Variants in CSTPP1 observed in about 807,000 individuals in gnomAD.
The protein encoded by CSTPP1 is UPF0705 protein C11orf49.
At chr11:46,940,185 CTCAG>C in the CSTPP1 span, among the ~76,000 whole-genome samples, 1 of 152,212 alleles carries the variant, frequency 6.6e-6, no homozygotes, top group South Asian at 2.1e-4. Context: ...GAAGTAATTT[CTCAG>C]TCAGTAGGGA....
the CSTPP1 span, among the ~76,000 whole-genome samples, chr11:46,995,759 ATGGGG>A: frequency 1.3e-5 from 2 of 152,106 alleles, no homozygotes; most frequent in Admixed American, 1.3e-4. Flanking sequence ...TTCTGTTGAT[ATGGGG>A]TGGAGAGTTC....
the CSTPP1 span, among the ~76,000 whole-genome samples, chr11:47,023,636 A>G: frequency 6.6e-6 from 1 of 152,196 alleles, no homozygotes; most frequent in South Asian, 2.1e-4. Context: ...AGCTCCTGGC[A>G]ATCACCATGC....
the CSTPP1 span, among the ~76,000 whole-genome samples, chr11:47,064,961 C>G: frequency 2.0e-5 from 3 of 152,208 alleles, no homozygotes; most frequent in Non-Finnish European, 4.4e-5. Flanking sequence ...TCAGGCTAGT[C>G]TTGAACTCCT....
chr11:47,144,980 A>ATTTTTTTTTTTT, the CSTPP1 span, among the ~76,000 whole-genome samples: 1 of 92,874 alleles, frequency 1.1e-5, no homozygotes, highest in Non-Finnish European at 2.1e-5. Context: ...ATTGCCTGCC[A>ATTTTTTTTTTTT]TTTTTTTTTT....
the CSTPP1 span, among the ~76,000 whole-genome samples, chr11:46,972,855 T>C: frequency 6.6e-6 from 1 of 152,224 alleles, no homozygotes; most frequent in African/African-American, 2.4e-5. Context: ...ATGATAATTA[T>C]ATTAATTAGT....
the CSTPP1 span, among the ~76,000 whole-genome samples, chr11:46,997,964 G>A: frequency 2.6e-5 from 4 of 152,130 alleles, no homozygotes; most frequent in Non-Finnish European, 4.4e-5. Context: ...AGTGTCAGTC[G>A]GCCCCTACTG....
At chr11:47,035,925 G>A in the CSTPP1 span, among the ~76,000 whole-genome samples, 1 of 149,876 alleles carries the variant, frequency 6.7e-6, no homozygotes, top group Non-Finnish European at 1.5e-5. Context: ...AAGGTCAACT[G>A]TATATACATG....
At chr11:46,946,844 C>T in the CSTPP1 span, among the ~76,000 whole-genome samples, 2 of 152,170 alleles carry the variant, frequency 1.3e-5, no homozygotes, top group African/African-American at 2.4e-5. Flanking sequence ...GGCCTTTTCT[C>T]TCTAAAATCT....
chr11:47,082,568 A>G, the CSTPP1 span, among the ~76,000 whole-genome samples: 2 of 152,350 alleles, frequency 1.3e-5, no homozygotes, highest in South Asian at 4.1e-4. Context: ...TAATTTATAT[A>G]CCATACAATT....
chr11:47,016,792 C>T, the CSTPP1 span, among the ~76,000 whole-genome samples: 1 of 149,086 alleles, frequency 6.7e-6, no homozygotes, highest in African/African-American at 2.5e-5. Context: ...TGGGTATACA[C>T]ATATATAAAA....
At chr11:47,124,673 AATGGAAGGCCACCCATTG>A in the CSTPP1 span, among the ~76,000 whole-genome samples, 18 of 152,366 alleles carry the variant, frequency 1.2e-4, no homozygotes, top group African/African-American at 4.3e-4. Flanking sequence ...GTTGGTATCC[AATGGAAGGCCACCCATTG>A]ATGGAGAAAC....
chr11:47,109,072 G>T, the CSTPP1 span: 1 of 152,048 alleles, frequency 6.6e-6, no homozygotes, highest in Admixed American at 6.6e-5. Flanking sequence ...CCTAAACCTG[G>T]AATCTGTGAT....
At chr11:47,005,941 C>T in the CSTPP1 span, among the ~76,000 whole-genome samples, 1 of 152,054 alleles carries the variant, frequency 6.6e-6, no homozygotes, top group African/African-American at 2.4e-5. Flanking sequence ...TACGTCTTAG[C>T]GTTCTAGATA....
the CSTPP1 span, among the ~76,000 whole-genome samples, chr11:46,989,821 C>T: frequency 1.1e-4 from 17 of 152,282 alleles, no homozygotes; most frequent in East Asian, 3.1e-3. Context: ...TAGCAGTCCA[C>T]AGTGTCTGTT....
chr11:46,983,727 T>C, the CSTPP1 span, among the ~76,000 whole-genome samples: 2 of 152,152 alleles, frequency 1.3e-5, no homozygotes, highest in Non-Finnish European at 1.5e-5. Flanking sequence ...TTTGATAAAC[T>C]AAGGATTTTC....
chr11:47,134,617 G>A, the CSTPP1 span, among the ~76,000 whole-genome samples: 7 of 152,138 alleles, frequency 4.6e-5, no homozygotes, highest in Non-Finnish European at 7.3e-5. Flanking sequence ...GAGCCAAAGG[G>A]CCCAAAATAG....
At chr11:47,056,431 A>AT in the CSTPP1 span, among the ~76,000 whole-genome samples, 14 of 152,228 alleles carry the variant, frequency 9.2e-5, no homozygotes, top group Admixed American at 2.6e-4. Flanking sequence ...CGAGGGATTC[A>AT]TATAGCATTT....
chr11:46,979,926 A>T, the CSTPP1 span, among the ~76,000 whole-genome samples: 6 of 152,308 alleles, frequency 3.9e-5, no homozygotes, highest in African/African-American at 1.2e-4. Flanking sequence ...AATAAAAAAG[A>T]TTCTGTAGTT....
the CSTPP1 span, among the ~76,000 whole-genome samples, chr11:47,048,568 A>G: frequency 6.6e-6 from 1 of 152,172 alleles, no homozygotes; most frequent in African/African-American, 2.4e-5. Context: ...TCTTAGTGAA[A>G]TAGGCCAGAA....
Sources: gnomAD v4.1 joint callset for allele counts (sites outside exome capture counted in the v4.1 genomes callset) on GRCh38, gnomAD v4.1.1 for gene constraint, MANE v1.5 for transcripts, NCBI Gene and HGNC (gene_info 2026-07-23, HGNC 2026-07-21) for gene names.